Variants in CLEC1B observed in about 807,000 individuals in gnomAD.
The protein encoded by CLEC1B is C-type lectin-like receptor 2.
In CLEC1B, 26 loss-of-function variants were observed where a neutral mutation model predicts 26.7. The ratio of observed to expected loss-of-function variants is 0.97; its 90% CI spans 0.71 to 1.35. CLEC1B has a LOEUF of 1.35. Ranked by LOEUF, CLEC1B falls within the 40% of genes most tolerant of loss-of-function variation. The probability of loss-of-function intolerance (pLI) is 0.00; values close to 1 mark genes in which losing one functional copy is unlikely to be tolerated. For synonymous variants in CLEC1B, 112 were observed against 96.0 expected (o/e 1.17, Z -0.97); for missense variants, 293 against 282.6 (o/e 1.04, Z -0.26).
chr12:9,998,844 C>A (rs1040801317), intron 1 of CLEC1B, among the ~76,000 whole-genome samples, 193 bp downstream of exon 1: 1 of 152,110 alleles, frequency 6.6e-6, no homozygotes, highest in Non-Finnish European at 1.5e-5. Flanking sequence ...TTTCCCTGCA[C>A]ATATATTGGA....
At chr12:9,999,132 T>G, upstream of CLEC1B, 1 of 1,479,772 alleles carries the variant, frequency 6.8e-7, no homozygotes, top group East Asian at 2.3e-5. Flanking sequence ...GAGCTCAGAG[T>G]TCAATGACTT....
In CLEC1B at chr12:9,993,208, C is replaced by T; in HGVS notation, c.625G>A (p.Glu209Lys). The change falls in exon 6 of 6, where the codon GAG (glutamate) becomes AAG (lysine). Residue 209 changes from glutamate to lysine, a missense_variant. Glu to Lys is a moderately conservative substitution (Grantham distance 56). Coordinates refer to ENST00000298527, the MANE Select transcript of CLEC1B (RefSeq NM_016509.4). The stretch of plus-strand genomic sequence containing the variant: ...TCACACATTAAATAATGTTTGTTCT[C>T]ACAGAAGGTAGGGTGCATTTTCCCA... ...HNGKMHPTFC[E>K]NKHYLMCERK... 1 of 1,612,810 alleles carries T rather than the reference C, an allele frequency of 6.2e-7. No homozygotes were observed. The highest frequency in any genetic ancestry group is 8.5e-7 in the Non-Finnish European group (1 of 1,179,162).
At chr12:9,997,025 G>A (rs755210560) in intron 3 of CLEC1B, 25 bp from the exon 4 acceptor site, 2 of 1,612,472 alleles carry the variant, frequency 1.2e-6, no homozygotes, top group Non-Finnish European at 1.7e-6. Context: ...CACAGGAATG[G>A]TGTATTTTTT....
chr12:9,993,140 G>C lies in CLEC1B; in HGVS notation c.*3C>G, dbSNP rs188574713. 3.2e-3 allele frequency: 5,178 copies of C among 1,607,680 alleles called. 10 individuals carry two copies. The highest frequency in any genetic ancestry group is 3.8e-3 in the Non-Finnish European group (4,480 of 1,176,034). On this transcript the variant is annotated 3_prime_UTR_variant, in exon 6 of 6. Coordinates refer to ENST00000298527, the MANE Select transcript of CLEC1B (RefSeq NM_016509.4). ...TCTGTGTTATCCTGTCCACCTCTTT[G>C]CATTAAGGTAGTTGGTCCACCTTGG...
At chr12:9,996,013 A>C (rs1865036903) in intron 4 of CLEC1B, among the ~76,000 whole-genome samples, 1 of 152,184 alleles carries the variant, frequency 6.6e-6, no homozygotes, top group Non-Finnish European at 1.5e-5. Flanking sequence ...AAATTATGTG[A>C]AGGCCAAATG....
upstream of CLEC1B, among the ~76,000 whole-genome samples, chr12:10,001,601 T>C (rs1001250120): frequency 3.3e-5 from 5 of 152,222 alleles, no homozygotes; most frequent in Non-Finnish European, 5.9e-5. Context: ...TAGCCCTTGA[T>C]AACATTGAGT....
chr12:9,995,272 T>A, intron 4 of CLEC1B, 26 bp from the exon 5 acceptor site: 1 of 1,570,302 alleles, frequency 6.4e-7, no homozygotes, highest in Admixed American at 1.7e-5. Context: ...ATAAACACAA[T>A]GGTCAGAATC....
rs768703428 is a variant in CLEC1B, at chr12:9,998,392, T to C, written c.65-12A>G. ...GGATGCAGAGCCAACTGTAGGCATA[T>C]AATAAAGACATCAAGGAGCAGGCAG... On this transcript the variant is annotated splice_polypyrimidine_tract_variant and intron_variant, in intron 1 of 5. Transcript: ENST00000298527. 2.5e-6 allele frequency: 4 copies of C among 1,598,716 alleles called. No homozygotes were observed. Among genetic ancestry groups the C allele is most frequent in the Admixed American group, 3.3e-5 (2 of 59,960 alleles).
chr12:9,998,686 C>G (rs1305790966), intron 1 of CLEC1B, among the ~76,000 whole-genome samples: 1 of 147,016 alleles, frequency 6.8e-6, no homozygotes, highest in African/African-American at 2.5e-5. Flanking sequence ...TTTATGCTCA[C>G]CCATGCCATA....
chr12:9,997,008 A>C lies in CLEC1B; in HGVS notation c.284-8T>G. The C allele has an allele frequency of 6.2e-7, 1 of 1,613,590 alleles. No individual in the cohort carries two copies. Among genetic ancestry groups the C allele is most frequent in the Non-Finnish European group, 8.5e-7 (1 of 1,179,838 alleles). ...GGCTGCATTTATGACCTTCTGGAGA[A>C]ACCAAGCACAGGAATGGTGTATTTT... On this transcript the variant is annotated splice_polypyrimidine_tract_variant and splice_region_variant and intron_variant, in intron 3 of 5. Coordinates refer to ENST00000298527, the MANE Select transcript of CLEC1B (RefSeq NM_016509.4).
At chr12:9,998,070 C>T (rs1015216916) in intron 2 of CLEC1B, among the ~76,000 whole-genome samples, 2 of 152,112 alleles carry the variant, frequency 1.3e-5, no homozygotes, top group African/African-American at 2.4e-5. Context: ...TTAAAAATAA[C>T]TTTTCATTAG....
upstream of CLEC1B, chr12:9,999,304 GAACACAAA>G: frequency 2.4e-6 from 1 of 412,862 alleles, no homozygotes; most frequent in Non-Finnish European, 4.3e-6. Flanking sequence ...CATGGACCTT[GAACACAAA>G]AACACAAAAA....
chr12:10,001,697 T>G (rs368805528), upstream of CLEC1B, among the ~76,000 whole-genome samples: 4 of 152,216 alleles, frequency 2.6e-5, no homozygotes, highest in African/African-American at 9.6e-5. Context: ...GAAAGAGAGA[T>G]AGATATCACA....
chr12:9,998,279 T>TA lies in CLEC1B; in HGVS notation c.163+2dup. 1 of 1,613,078 alleles carries TA rather than the reference T, an allele frequency of 6.2e-7. No individual in the cohort carries two copies. Among genetic ancestry groups the TA allele is most frequent in the South Asian group, 1.1e-5 (1 of 91,038 alleles). On this transcript the variant is annotated splice_region_variant and intron_variant, in intron 2 of 5. Transcript: ENST00000298527. ...TCAAATTTCTGGCAGAGTCAACACTTACACCAAATCCCCAGAGCCACCAGC... is the reference window on the plus strand; with the variant it reads ...TCAAATTTCTGGCAGAGTCAACACTTAACACCAAATCCCCAGAGCCACCAGC...
chr12:9,996,809 C>A, intron 4 of CLEC1B, 37 bp downstream of exon 4: 2 of 1,611,960 alleles, frequency 1.2e-6, no homozygotes, highest in Non-Finnish European at 1.7e-6. Flanking sequence ...GTTTCTCTTC[C>A]TTGCCTCCAA....
chr12:10,000,156 G>T (rs1049353931), upstream of CLEC1B, among the ~76,000 whole-genome samples: 2 of 152,072 alleles, frequency 1.3e-5, no homozygotes, highest in African/African-American at 4.8e-5. Context: ...TAAGTAGTAG[G>T]CATTTACCTT....
chr12:9,998,938 A>G (rs1392510720), intron 1 of CLEC1B, 99 bp downstream of exon 1: 6 of 707,026 alleles, frequency 8.5e-6, no homozygotes, highest in Non-Finnish European at 1.2e-5. Flanking sequence ...CAAGAAAAAG[A>G]AATTAAACTA....
chr12:9,993,288 C>G lies in CLEC1B; in HGVS notation c.546-1G>C, dbSNP rs771615733. ...TTTTCCATCTTCCAAAAACTCAAAC[C>G]TGTGAAGGGAAAGTTAGAATAAATT... On this transcript the variant is annotated splice_acceptor_variant, in intron 5 of 5. Coordinates refer to ENST00000298527, the MANE Select transcript of CLEC1B (RefSeq NM_016509.4). LOFTEE classifies it high-confidence loss of function. 38 of 1,604,526 alleles carry G rather than the reference C, an allele frequency of 2.4e-5. No homozygotes were observed. Among genetic ancestry groups the G allele is most frequent in the Non-Finnish European group, 3.1e-5 (36 of 1,173,812 alleles).
chr12:9,996,541 GAAC>G lies in CLEC1B; in HGVS notation c.438+302_438+304del, dbSNP rs1359876218. On this transcript the variant is annotated intron_variant, in intron 4 of 5. Transcript: ENST00000298527. ...AGTAAGTGGACAGCACAGCAAGTTA[GAAC>G]AACAGAGGACACAAATAAATATGAA... Among the ~76,000 whole-genome samples, 4 of 152,204 alleles carry G rather than the reference GAAC, an allele frequency of 2.6e-5. No individual in the cohort carries two copies. In the East Asian group the frequency reaches 5.8e-4, roughly 22 times the overall value.
Sources: allele counts gnomAD v4.1 joint callset (sites outside exome capture counted in the v4.1 genomes callset), GRCh38; gene constraint gnomAD v4.1.1; transcripts MANE v1.5; gene names NCBI Gene and HGNC (gene_info 2026-07-23, HGNC 2026-07-21).